ASTN2: variants seen among roughly 807,000 people sequenced by gnomAD.
The protein encoded by ASTN2 is astrotactin-2.
In ASTN2, 54 loss-of-function variants were observed where a neutral mutation model predicts 139.8. The observed-to-expected ratio is 0.39, with a 90% CI of 0.31 to 0.48. ASTN2 has a LOEUF of 0.48. Among genes scored for constraint, ASTN2 ranks in the 20% least tolerant of loss-of-function variants. The probability of loss-of-function intolerance (pLI) is 0.95; values close to 1 mark genes in which losing one functional copy is unlikely to be tolerated. For synonymous variants in ASTN2, 756 were observed against 719.5 expected, an observed-to-expected ratio of 1.05 and a Z score of -0.81; for missense variants, 1,565 against 1,725.1, an observed-to-expected ratio of 0.91 and a Z score of 1.64.
At chr9:116,620,488 G>A (rs867414794) in intron 17 of ASTN2, 45 bp from the exon 18 acceptor site, 8 of 1,611,368 alleles carry the variant, frequency 5.0e-6, no homozygotes, top group Non-Finnish European at 5.1e-6. Flanking sequence ...GACAACAGGG[G>A]AGAGATTGAG....
intron 19 of ASTN2, among the ~76,000 whole-genome samples, chr9:116,549,159 C>A (rs1165875223): frequency 2.1e-5 from 3 of 144,254 alleles, no homozygotes; most frequent in African/African-American, 5.2e-5. Context: ...TCATCTGAAG[C>A]AAACCACAAA....
At chr9:116,577,838 T>C (rs1853782819) in intron 19 of ASTN2, among the ~76,000 whole-genome samples, 2 of 152,114 alleles carry the variant, frequency 1.3e-5, no homozygotes, top group Non-Finnish European at 2.9e-5. Flanking sequence ...GGCTTGTAGG[T>C]GAATCTCTTC....
Position 116,651,517 on chromosome 9 carries a change from G to T in ASTN2, c.3072+11C>A. 1 of 1,610,922 alleles carries T rather than the reference G, an allele frequency of 6.2e-7. No individual in the cohort carries two copies. The highest frequency in any genetic ancestry group is 8.5e-7 in the Non-Finnish European group (1 of 1,177,602). On this transcript the variant is annotated intron_variant, in intron 17 of 22. Transcript: ENST00000313400. ...CAAGTTTGACTGAGTGGCTGGGCCA[G>T]GGGAGCTCACCTCCTTTGTGCCATT...
chr9:116,756,709 CCT>C (rs1215384394), intron 13 of ASTN2, among the ~76,000 whole-genome samples: 2 of 151,760 alleles, frequency 1.3e-5, no homozygotes, highest in African/African-American at 2.4e-5. Flanking sequence ...GGCCTCCATC[CCT>C]GTTACTTCCC....
At chr9:116,557,705 T>A (rs1852703035) in intron 19 of ASTN2, 1 of 152,212 alleles carries the variant, frequency 6.6e-6, no homozygotes, top group East Asian at 1.9e-4. Context: ...AAAACTCTTT[T>A]GACATTGTGG....
chr9:116,805,573 T>C (rs1033620521), intron 13 of ASTN2, 59 bp downstream of exon 13: 43 of 1,540,310 alleles, frequency 2.8e-5, no homozygotes, highest in Non-Finnish European at 3.7e-5. Flanking sequence ...GCTTCCTCCC[T>C]GTGCCCAGGT....
At chr9:117,329,180 C>CTTTTTTTTTTTTTTTTTT (rs749880987) in intron 1 of ASTN2, among the ~76,000 whole-genome samples, 2 of 82,582 alleles carry the variant, frequency 2.4e-5, no homozygotes, top group African/African-American at 4.7e-5. Flanking sequence ...CTTCCAAGTT[C>CTTTTTTTTTTTTTTTTTT]TTTTTTTTTT....
intron 19 of ASTN2, among the ~76,000 whole-genome samples, chr9:116,512,523 TG>T (rs1194186941): frequency 6.6e-6 from 1 of 152,192 alleles, no homozygotes; most frequent in East Asian, 1.9e-4. Flanking sequence ...TAGGTCCGCT[TG>T]GTGTAGAGTT....
At chr9:117,338,051 C>T (rs1490690560) in intron 1 of ASTN2, among the ~76,000 whole-genome samples, 8 of 152,118 alleles carry the variant, frequency 5.3e-5, no homozygotes. Flanking sequence ...ATGATTATCT[C>T]GCATTTATCT....
At chr9:117,259,971 T>C (rs908098207) in intron 2 of ASTN2, among the ~76,000 whole-genome samples, 4 of 152,180 alleles carry the variant, frequency 2.6e-5, no homozygotes, top group African/African-American at 4.8e-5. Context: ...CAATAAAAGC[T>C]TTCTACCTCT....
At chr9:117,294,297 C>G (rs572671657) in intron 1 of ASTN2, among the ~76,000 whole-genome samples, 17 of 152,354 alleles carry the variant, frequency 1.1e-4, no homozygotes, top group African/African-American at 4.1e-4. Context: ...AGTGCACAAT[C>G]AGCAGACAGT....
chr9:117,118,408 C>T (rs773539005), intron 4 of ASTN2, among the ~76,000 whole-genome samples: 2 of 152,050 alleles, frequency 1.3e-5, no homozygotes, highest in African/African-American at 4.8e-5. Context: ...GTCCCATTGT[C>T]TCTACCAAAA....
intron 10 of ASTN2, among the ~76,000 whole-genome samples, chr9:116,927,797 T>C (rs1394533109): frequency 6.6e-6 from 1 of 152,226 alleles, no homozygotes; most frequent in Non-Finnish European, 1.5e-5. Context: ...CCCAGGATCA[T>C]GCTCACATAA....
chr9:116,955,361 G>C (rs1835678475), intron 10 of ASTN2, among the ~76,000 whole-genome samples: 2 of 152,220 alleles, frequency 1.3e-5, no homozygotes, highest in Non-Finnish European at 2.9e-5. Flanking sequence ...GGACTGGTAT[G>C]AACTGTCAAA....
At chr9:117,393,863 A>T (rs1830608089) in intron 1 of ASTN2, among the ~76,000 whole-genome samples, 1 of 151,920 alleles carries the variant, frequency 6.6e-6, no homozygotes. Context: ...AAGCTCTGGG[A>T]TATGGAGGAG....
At chr9:116,446,272 T>TAGATAGAGAGAGAGAGAG (rs1564282640) in intron 20 of ASTN2, among the ~76,000 whole-genome samples, 2 of 119,036 alleles carry the variant, frequency 1.7e-5, no homozygotes, top group Non-Finnish European at 3.4e-5. Flanking sequence ...GAGAGAGAGA[T>TAGATAGAGAGAGAGAGAG]AGAGAGAGAG....
At chr9:117,150,029 T>C (rs1369431443) in intron 3 of ASTN2, among the ~76,000 whole-genome samples, 2 of 152,194 alleles carry the variant, frequency 1.3e-5, no homozygotes, top group Non-Finnish European at 2.9e-5. Context: ...CTTGGGCCTG[T>C]CAGTTAATAC....
intron 14 of ASTN2, among the ~76,000 whole-genome samples, chr9:116,730,607 A>C (rs1828751135): frequency 6.6e-6 from 1 of 152,188 alleles, no homozygotes. Context: ...ATGTCTGCAC[A>C]AGAAGATTCA....
intron 3 of ASTN2, among the ~76,000 whole-genome samples, chr9:117,213,797 G>A (rs981252834): frequency 3.9e-5 from 6 of 152,122 alleles, no homozygotes; most frequent in East Asian, 1.9e-4. Flanking sequence ...CTGTCTAGAC[G>A]GCAGTGACCA....
Sources: gnomAD v4.1 joint callset for allele counts (sites outside exome capture counted in the v4.1 genomes callset) on GRCh38, gnomAD v4.1.1 for gene constraint, MANE v1.5 for transcripts, NCBI Gene and HGNC (gene_info 2026-07-23, HGNC 2026-07-21) for gene names.